The following NR2F1-AS1 variants were observed in gnomAD, a reference collection of about 807,000 sequenced individuals.
The protein encoded by NR2F1-AS1 is NR2F1 antisense RNA 1.
intron 1 of NR2F1-AS1, among the ~76,000 whole-genome samples, chr5:93,573,854 C>T (rs937381328): frequency 2.0e-5 from 3 of 152,118 alleles, no homozygotes; most frequent in East Asian, 1.9e-4. Flanking sequence ...GGGGCTGGGG[C>T]GGCTTACAAG....
At chr5:93,565,431 T>C (rs995192683) in intron 1 of NR2F1-AS1, among the ~76,000 whole-genome samples, 4 of 152,112 alleles carry the variant, frequency 2.6e-5, no homozygotes, top group South Asian at 4.1e-4. Flanking sequence ...TATTTAAATT[T>C]ATTTACATCA....
chr5:93,456,201 A>G (rs1053859986), intron 4 of NR2F1-AS1, among the ~76,000 whole-genome samples: 2 of 152,242 alleles, frequency 1.3e-5, no homozygotes, highest in Admixed American at 6.5e-5. Flanking sequence ...AAAGTAAAAC[A>G]GAAAACAACA....
chr5:93,493,585 C>A (rs954521356), intron 4 of NR2F1-AS1, among the ~76,000 whole-genome samples: 1 of 151,948 alleles, frequency 6.6e-6, no homozygotes, highest in East Asian at 1.9e-4. Flanking sequence ...TCAAAATTCC[C>A]AATTTCAAAA....
In NR2F1-AS1 at chr5:93,486,513, C is replaced by T. The variant is rs1283841792; in HGVS notation, n.638+67248G>A. 3.9e-5 allele frequency among the ~76,000 whole-genome samples: 6 copies of T among 152,128 alleles called. No homozygotes were observed. The East Asian group carries it at 7.7e-4, about 20-fold the overall frequency. ...ATCTAGAAGAAATGGATAAATTCCTCGACACATACACCCTCCCAAGACTAA... is the reference window on the plus strand; with the variant it reads ...ATCTAGAAGAAATGGATAAATTCCTTGACACATACACCCTCCCAAGACTAA... On this transcript the variant is annotated intron_variant and non_coding_transcript_variant, in intron 4 of 5. Transcript: ENST00000660523.
chr5:93,419,110 T>C (rs1749031384), intron 4 of NR2F1-AS1, among the ~76,000 whole-genome samples: 1 of 152,222 alleles, frequency 6.6e-6, no homozygotes, highest in African/African-American at 2.4e-5. Context: ...GTGATCTAAA[T>C]GGCCAACAGT....
chr5:93,535,923 T>G (rs1290870126), intron 4 of NR2F1-AS1, among the ~76,000 whole-genome samples: 1 of 152,064 alleles, frequency 6.6e-6, no homozygotes, highest in Non-Finnish European at 1.5e-5. Context: ...ACCACTTCTA[T>G]TCAACATAAT....
chr5:93,492,854 A>T (rs1561466692), intron 4 of NR2F1-AS1, among the ~76,000 whole-genome samples: 1 of 151,982 alleles, frequency 6.6e-6, no homozygotes, highest in Admixed American at 6.6e-5. Flanking sequence ...GATAAAAAAA[A>T]AAAACACTCA....
intron 4 of NR2F1-AS1, among the ~76,000 whole-genome samples, chr5:93,502,435 A>C (rs911809588): frequency 6.6e-5 from 10 of 152,220 alleles, no homozygotes; most frequent in African/African-American, 1.2e-4. Flanking sequence ...GAGTATATGC[A>C]GACAGCATAA....
intron 4 of NR2F1-AS1, among the ~76,000 whole-genome samples, chr5:93,465,942 G>A (rs1461368456): frequency 6.6e-6 from 1 of 151,262 alleles, no homozygotes; most frequent in Non-Finnish European, 1.5e-5. Flanking sequence ...GGGGTTGGGG[G>A]AGGGTTAGCA....
At chr5:93,569,851 G>C (rs1483735373) in intron 1 of NR2F1-AS1, 1 of 152,154 alleles carries the variant, frequency 6.6e-6, no homozygotes, top group Non-Finnish European at 1.5e-5. Context: ...TTTTTAATTA[G>C]ATGCTTTCTG....
intron 4 of NR2F1-AS1, among the ~76,000 whole-genome samples, chr5:93,413,106 G>A (rs1190063287): frequency 1.5e-5 from 2 of 137,428 alleles, no homozygotes; most frequent in African/African-American, 5.5e-5. Context: ...GTGTGTGTGT[G>A]TATGCAATTA....
chr5:93,440,216 TCTCA>T (rs1387853454), intron 4 of NR2F1-AS1, among the ~76,000 whole-genome samples: 1 of 149,990 alleles, frequency 6.7e-6, no homozygotes, highest in African/African-American at 2.5e-5. Context: ...TCTCTCTCTC[TCTCA>T]CACACACACA....
At chr5:93,571,912 GACGAGTAAAAAC>G (rs1405974773) in intron 1 of NR2F1-AS1, among the ~76,000 whole-genome samples, 1 of 151,862 alleles carries the variant, frequency 6.6e-6, no homozygotes, top group Admixed American at 6.6e-5. Context: ...CGGTACCTGC[GACGAGTAAAAAC>G]ACTTATTTGA....
intron 4 of NR2F1-AS1, chr5:93,409,900 A>G (rs1748815730): frequency 6.6e-6 from 1 of 152,206 alleles, no homozygotes; most frequent in Admixed American, 6.5e-5. Flanking sequence ...ACACAGTGCT[A>G]TTGGCAGTAT....
chr5:93,510,951 T>C (rs1751282404), intron 4 of NR2F1-AS1, among the ~76,000 whole-genome samples: 1 of 152,216 alleles, frequency 6.6e-6, no homozygotes, highest in Non-Finnish European at 1.5e-5. Context: ...GTGGTATAAA[T>C]GACAGGAAAT....
chr5:93,420,573 T>TA (rs1207767855), intron 4 of NR2F1-AS1, among the ~76,000 whole-genome samples: 5 of 152,102 alleles, frequency 3.3e-5, no homozygotes, highest in Non-Finnish European at 5.9e-5. Context: ...GCAGGGAATT[T>TA]AAAAAAGGAT....
chr5:93,555,079 A>G (rs1752322972), intron 2 of NR2F1-AS1: 1 of 152,230 alleles, frequency 6.6e-6, no homozygotes, highest in Admixed American at 6.5e-5. Context: ...TCATGCAGCA[A>G]GCATATTCTC....
intron 4 of NR2F1-AS1, among the ~76,000 whole-genome samples, chr5:93,419,517 C>G (rs1161690962): frequency 6.6e-6 from 1 of 152,146 alleles, no homozygotes; most frequent in Non-Finnish European, 1.5e-5. Context: ...GAAGACAGTG[C>G]CTGTGAATAA....
chr5:93,467,948 G>C (rs1750275915), intron 4 of NR2F1-AS1, among the ~76,000 whole-genome samples: 1 of 152,178 alleles, frequency 6.6e-6, no homozygotes, highest in Non-Finnish European at 1.5e-5. Flanking sequence ...GAGAATGGTG[G>C]TTTCCAGCTT....
Sources: allele counts gnomAD v4.1 joint callset (sites outside exome capture counted in the v4.1 genomes callset), GRCh38; gene constraint gnomAD v4.1.1; transcripts MANE v1.5; gene names NCBI Gene and HGNC (gene_info 2026-07-23, HGNC 2026-07-21).